PCDH7: variants seen among roughly 807,000 people sequenced by gnomAD.
The protein encoded by PCDH7 is protocadherin 7, also known as protocadherin-7.
A neutral mutation model predicts 58.9 loss-of-function variants in PCDH7; 17 were observed. The ratio of observed to expected loss-of-function variants is 0.29; its 90% CI spans 0.20 to 0.43. PCDH7 has a LOEUF of 0.43. Among genes scored for constraint, PCDH7 ranks in the 20% least tolerant of loss-of-function variants. The pLI is 1.00. For missense variants in PCDH7, 1,274 were observed against 1,441.0 expected (o/e 0.88, Z 1.88); for synonymous variants, 664 against 616.4 (o/e 1.08, Z -1.14).
intron 1 of PCDH7, among the ~76,000 whole-genome samples, chr4:30,867,143 G>T (rs1734982801): frequency 6.6e-6 from 1 of 152,026 alleles, no homozygotes; most frequent in South Asian, 2.1e-4. Flanking sequence ...CAGGTCCATG[G>T]ATCAGAGCTC....
intron 3 of PCDH7, among the ~76,000 whole-genome samples, chr4:31,114,497 T>C (rs1354175606): frequency 6.6e-6 from 1 of 152,142 alleles, no homozygotes. Context: ...GCATTCAAAA[T>C]ACTTTTGGTA....
In PCDH7 at chr4:30,848,470, C is replaced by G. The variant is rs985958548; in HGVS notation, c.71-71683C>G. Among the ~76,000 whole-genome samples, 25 of 151,926 alleles carry G rather than the reference C, an allele frequency of 1.6e-4. 1 individual carries two copies. The highest frequency in any genetic ancestry group is 6.6e-5 in the Admixed American group (1 of 15,218). ...AAATTTTCTATAGCAAAGAACATTCCTTCCTTTTTCATTTAGTTTTTATTT... is the reference window on the plus strand; with the variant it reads ...AAATTTTCTATAGCAAAGAACATTCGTTCCTTTTTCATTTAGTTTTTATTT... On this transcript the variant is annotated intron_variant, in intron 1 of 3. Transcript: ENST00000509759.
chr4:30,795,959 A>G (rs1364793153), intron 1 of PCDH7, among the ~76,000 whole-genome samples: 1 of 152,190 alleles, frequency 6.6e-6, no homozygotes, highest in African/African-American at 2.4e-5. Context: ...ATATGTAACA[A>G]GTTTATTTAT....
At chr4:30,825,619 T>C (rs1729006810) in intron 1 of PCDH7, among the ~76,000 whole-genome samples, 1 of 152,122 alleles carries the variant, frequency 6.6e-6, no homozygotes, top group South Asian at 2.1e-4. Flanking sequence ...TGGTCCTAAG[T>C]AGTTTCCTTT....
intron 1 of PCDH7, among the ~76,000 whole-genome samples, chr4:30,914,875 C>G (rs1036906016): frequency 6.6e-6 from 1 of 152,130 alleles, no homozygotes; most frequent in African/African-American, 2.4e-5. Context: ...CTCTAGGTCA[C>G]GTAAGGTTTC....
chr4:30,881,757 A>T (rs1455216549), intron 1 of PCDH7, among the ~76,000 whole-genome samples: 1 of 152,158 alleles, frequency 6.6e-6, no homozygotes, highest in Non-Finnish European at 1.5e-5. Flanking sequence ...CCTTTATGTG[A>T]CTTGCAGGTT....
At chr4:30,781,212 G>A (rs796279811) in intron 1 of PCDH7, among the ~76,000 whole-genome samples, 7 of 149,896 alleles carry the variant, frequency 4.7e-5, no homozygotes, top group African/African-American at 1.5e-4. Context: ...AACCCAAGGC[G>A]TTCTTCTTTT....
chr4:31,012,123 A>G (rs1447613616), intron 3 of PCDH7, among the ~76,000 whole-genome samples: 1 of 152,140 alleles, frequency 6.6e-6, no homozygotes, highest in East Asian at 1.9e-4. Flanking sequence ...AAGTGGATTT[A>G]AAGCTGGCAA....
intron 3 of PCDH7, among the ~76,000 whole-genome samples, chr4:30,951,635 G>A (rs1158098060): frequency 6.6e-6 from 1 of 152,056 alleles, no homozygotes; most frequent in Admixed American, 6.6e-5. Flanking sequence ...CATGTACTGA[G>A]GATTTATTTT....
At chr4:30,794,297 A>C (rs1443404656) in intron 1 of PCDH7, among the ~76,000 whole-genome samples, 1 of 152,218 alleles carries the variant, frequency 6.6e-6, no homozygotes, top group Non-Finnish European at 1.5e-5. Context: ...AAACATTTTA[A>C]AGATCTAATA....
intron 3 of PCDH7, among the ~76,000 whole-genome samples, chr4:31,101,882 C>A (rs1714940735): frequency 6.6e-6 from 1 of 152,108 alleles, no homozygotes; most frequent in Non-Finnish European, 1.5e-5. Flanking sequence ...TATGGATGAA[C>A]CAAGCATAAT....
At chr4:31,090,637 A>G (rs1471033011) in intron 3 of PCDH7, among the ~76,000 whole-genome samples, 3 of 152,096 alleles carry the variant, frequency 2.0e-5, no homozygotes, top group African/African-American at 7.2e-5. Context: ...CAGTTTCACT[A>G]ATTCGGATAT....
chr4:31,096,928 T>TGTGTG (rs5857221), intron 3 of PCDH7, among the ~76,000 whole-genome samples: 29,738 of 151,556 alleles, frequency 0.2, 2,916 homozygotes, highest in South Asian at 0.26. Flanking sequence ...TGTGTGTGTG[T>TGTGTG]TGTGAATAAG....
chr4:31,031,245 T>A (rs537505530), intron 3 of PCDH7, among the ~76,000 whole-genome samples: 89 of 152,318 alleles, frequency 5.8e-4, no homozygotes, highest in African/African-American at 1.9e-3. Context: ...ACATTGGCAA[T>A]GTCTGGAGAC....
chr4:31,074,784 C>CAAAAAAA lies in PCDH7; in HGVS notation c.*8-67672_*8-67666dup, dbSNP rs1157267696. On this transcript the variant is annotated intron_variant, in intron 3 of 3. Transcript: ENST00000509759. The stretch of plus-strand genomic sequence containing the variant: ...TGGGCTACAGAGGGAGATTCCGTCT[C>CAAAAAAA]AAAAAAAAAAAAAAAAAAAAAAAGC... 7.8e-4 allele frequency among the ~76,000 whole-genome samples: 41 copies of CAAAAAAA among 52,462 alleles called. 2 individuals carry two copies. The highest frequency in any genetic ancestry group is 2.6e-3 in the African/African-American group (29 of 11,332). 34.4% of individuals were successfully genotyped at this position (52,462 alleles called of 152,430 possible). A position where few individuals can be genotyped will look rare whatever the true frequency, so the allele number is the denominator to read the frequency against.
chr4:31,101,174 T>C (rs1216984886), intron 3 of PCDH7, among the ~76,000 whole-genome samples: 2 of 152,096 alleles, frequency 1.3e-5, no homozygotes, highest in African/African-American at 4.8e-5. Context: ...AGCCGTTTGG[T>C]TGAAAAAATG....
chr4:31,011,415 A>G lies in PCDH7; in HGVS notation c.*7+61200A>G, dbSNP rs145339952. Among the ~76,000 whole-genome samples the G allele has an allele frequency of 6.6e-3, 1,010 of 152,118 alleles. 9 individuals carry two copies. Among genetic ancestry groups the G allele is most frequent in the African/African-American group, 0.023 (965 of 41,548 alleles). On this transcript the variant is annotated intron_variant, in intron 3 of 3. Transcript: ENST00000509759. ...CCTGATATTTGGCTCCTTTCCAGGC[A>G]TGTGTCTAGTGAAGTATCTTGAATT...
intron 1 of PCDH7, among the ~76,000 whole-genome samples, chr4:30,762,270 T>C (rs534372076): frequency 3.9e-5 from 6 of 152,230 alleles, no homozygotes; most frequent in Middle Eastern, 3.4e-3. Flanking sequence ...TTTTTTCCCC[T>C]GAGGCAATAG....
chr4:31,058,447 TTTA>T (rs1426026649), intron 3 of PCDH7, among the ~76,000 whole-genome samples: 1 of 152,032 alleles, frequency 6.6e-6, no homozygotes, highest in Non-Finnish European at 1.5e-5. Flanking sequence ...TACCCCAAAA[TTTA>T]TAAATTTAAC....
Sources: allele counts gnomAD v4.1 joint callset (sites outside exome capture counted in the v4.1 genomes callset), GRCh38; gene constraint gnomAD v4.1.1; transcripts MANE v1.5; gene names NCBI Gene and HGNC (gene_info 2026-07-23, HGNC 2026-07-21).